Variants in CSMD1 observed in about 807,000 individuals in gnomAD.
CSMD1 encodes the protein CUB and sushi domain-containing protein 1.
CSMD1 carries 213 observed loss-of-function variants against 417.5 expected under a neutral mutation model. The observed-to-expected ratio is 0.51, with a 90% CI of 0.46 to 0.57. The LOEUF (loss-of-function observed/expected upper bound fraction) is 0.57, where lower values mean the gene tolerates loss of function less well. Among genes scored for constraint, CSMD1 ranks in the 20% least tolerant of loss-of-function variants. CSMD1 has a pLI of 0.00. For missense variants in CSMD1, 6,923 were observed against 4,529.7 expected, an observed-to-expected ratio of 1.53 and a Z score of -15.17; for synonymous variants, 2,862 against 1,736.8, an observed-to-expected ratio of 1.65 and a Z score of -16.11.
intron 3 of CSMD1, among the ~76,000 whole-genome samples, chr8:4,413,025 A>C (rs183519120): frequency 6.2e-4 from 95 of 152,342 alleles, no homozygotes; most frequent in Middle Eastern, 3.4e-3. Context: ...AAGTCTATAC[A>C]ATGTTCTTTC....
chr8:4,451,403 TATG>T (rs1563189058), intron 2 of CSMD1, among the ~76,000 whole-genome samples: 1 of 152,196 alleles, frequency 6.6e-6, no homozygotes, highest in African/African-American at 2.4e-5. Context: ...GAACATGTGC[TATG>T]ATCAGTGTTT....
At chr8:4,105,222 T>C (rs1801507434) in intron 3 of CSMD1, among the ~76,000 whole-genome samples, 1 of 152,150 alleles carries the variant, frequency 6.6e-6, no homozygotes, top group South Asian at 2.1e-4. Context: ...AAAGCTCACA[T>C]AACGTCAAAG....
chr8:3,990,486 C>T (rs1814661233), intron 5 of CSMD1, among the ~76,000 whole-genome samples: 1 of 152,152 alleles, frequency 6.6e-6, no homozygotes, highest in Admixed American at 6.5e-5. Context: ...TCTGTTACTC[C>T]TCAGTCTGGA....
chr8:4,826,182 C>T (rs1376859315), intron 1 of CSMD1, among the ~76,000 whole-genome samples: 2 of 151,938 alleles, frequency 1.3e-5, no homozygotes, highest in African/African-American at 2.4e-5. Flanking sequence ...GACATGAGTA[C>T]CCCAGTGTTC....
chr8:3,219,426 T>G lies in CSMD1; in HGVS notation c.4501A>C (p.Ser1501Arg). 1 of 1,506,098 alleles carries G rather than the reference T, an allele frequency of 6.6e-7. No individual in the cohort carries two copies. The highest frequency in any genetic ancestry group is 8.9e-7 in the Non-Finnish European group (1 of 1,127,902). The allele number at this position is 1,506,098 out of a possible 1,614,324, so 93.3% of individuals were successfully genotyped here. A position where few individuals can be genotyped will look rare whatever the true frequency, so the allele number is the denominator to read the frequency against. ...TCATAGATGTGTAGGAAGTCATAGCTGGGCTCCATGTTGAAACTAAAGAAA... is the reference window on the plus strand; with the variant it reads ...TCATAGATGTGTAGGAAGTCATAGCGGGGCTCCATGTTGAAACTAAAGAAA... ...LIFKSFNMEP[S>R]YDFLHIYEGE... The change falls in exon 29 of 70, where the codon AGC becomes CGC. Residue 1501 changes from serine to arginine, a missense_variant. Ser to Arg is a moderately radical substitution (Grantham distance 110, BLOSUM62 -1). Coordinates refer to ENST00000635120, the MANE Select transcript of CSMD1 (RefSeq NM_033225.6).
At chr8:3,875,816 C>T (rs1320309524) in intron 5 of CSMD1, among the ~76,000 whole-genome samples, 2 of 152,142 alleles carry the variant, frequency 1.3e-5, no homozygotes, top group African/African-American at 4.8e-5. Context: ...CAGCTGAGAG[C>T]TTGAGGGAAT....
At chr8:3,591,710 G>C (rs1489059798) in intron 8 of CSMD1, among the ~76,000 whole-genome samples, 1 of 152,260 alleles carries the variant, frequency 6.6e-6, no homozygotes, top group East Asian at 1.9e-4. Flanking sequence ...TAGATAGATA[G>C]ATGATAGAGA....
intron 1 of CSMD1, among the ~76,000 whole-genome samples, chr8:4,689,098 T>G (rs757104955): frequency 4.5e-4 from 69 of 152,212 alleles, no homozygotes; most frequent in Non-Finnish European, 7.6e-4. Flanking sequence ...ATTGATAAAT[T>G]TGTTCTCAAC....
chr8:4,204,514 T>C (rs1799863595), intron 3 of CSMD1, among the ~76,000 whole-genome samples: 2 of 152,216 alleles, frequency 1.3e-5, no homozygotes, highest in South Asian at 2.1e-4. Flanking sequence ...ATTTCCATAA[T>C]TTATTTCCTC....
In CSMD1 at chr8:4,599,389, G is replaced by C. The variant is rs188708529; in HGVS notation, c.302+37953C>G. Among the ~76,000 whole-genome samples, 302 of 151,444 alleles carry C rather than the reference G, an allele frequency of 2.0e-3. 4 individuals are homozygous for C. Among genetic ancestry groups the C allele is most frequent in the Non-Finnish European group, 2.4e-3 (162 of 67,882 alleles). ...ATTTTTTTTTTTTCCTTAAAGATCT[G>C]TTGAGAATGCAAGGAGGAAAATTTT... On this transcript the variant is annotated intron_variant, in intron 2 of 69. Coordinates refer to ENST00000635120, the MANE Select transcript of CSMD1 (RefSeq NM_033225.6).
At chr8:3,901,669 G>A (rs987425246) in intron 5 of CSMD1, among the ~76,000 whole-genome samples, 10 of 152,324 alleles carry the variant, frequency 6.6e-5, no homozygotes, top group African/African-American at 2.2e-4. Flanking sequence ...TTCACAGAAT[G>A]TACTTCTGTT....
intron 5 of CSMD1, among the ~76,000 whole-genome samples, chr8:3,815,466 C>T (rs1397238836): frequency 1.3e-5 from 2 of 151,990 alleles, no homozygotes; most frequent in Non-Finnish European, 2.9e-5. Context: ...CCTCAGGTTT[C>T]TGTGTAAATA....
rs190313528 is a variant in CSMD1 at position 4,648,089 on chromosome 8, C to G, written c.86-10531G>C. ...CTCACAAGCATCTGTTGTTTCCTTA[C>G]TTTTTAATAATTGCCATTCTGACTG... On this transcript the variant is annotated intron_variant, in intron 1 of 69. Coordinates refer to ENST00000635120, the MANE Select transcript of CSMD1 (RefSeq NM_033225.6). Among the ~76,000 whole-genome samples, 247 of 152,238 alleles carry G rather than the reference C, an allele frequency of 1.6e-3. 3 individuals carry two copies. Among genetic ancestry groups the G allele is most frequent in the African/African-American group, 5.8e-3 (239 of 41,546 alleles).
chr8:3,622,762 A>C (rs898671265), intron 7 of CSMD1, among the ~76,000 whole-genome samples: 5 of 144,770 alleles, frequency 3.5e-5, no homozygotes, highest in Non-Finnish European at 7.5e-5. Flanking sequence ...TGTGCAAGGA[A>C]ATGATAGCTC....
At chr8:4,212,172 ATT>A (rs35363603) in intron 3 of CSMD1, among the ~76,000 whole-genome samples, 2 of 141,566 alleles carry the variant, frequency 1.4e-5, no homozygotes, top group Admixed American at 6.9e-5. Context: ...TCACTTCCCT[ATT>A]TATATATATA....
At chr8:4,818,591 G>A (rs1014342805) in intron 1 of CSMD1, among the ~76,000 whole-genome samples, 1 of 152,168 alleles carries the variant, frequency 6.6e-6, no homozygotes, top group African/African-American at 2.4e-5. Context: ...GATAAATCAT[G>A]TGTCAGGCCA....
rs113516032 is a variant in CSMD1 at position 3,227,443 on chromosome 8, C to T, written c.4345+2597G>A. 2.4e-3 allele frequency among the ~76,000 whole-genome samples: 364 copies of T among 152,080 alleles called. 1 individual carries two copies. The highest frequency in any genetic ancestry group is 8.3e-3 in the African/African-American group (345 of 41,480). On this transcript the variant is annotated intron_variant, in intron 27 of 69. Coordinates refer to ENST00000635120, the MANE Select transcript of CSMD1 (RefSeq NM_033225.6). ...ACGTTTTAAAAGTCCGAGAAATATG[C>T]GAGTTTGTAGAAATATGTCACTTAT...
intron 3 of CSMD1, among the ~76,000 whole-genome samples, chr8:4,311,423 C>G (rs142609770): frequency 6.6e-6 from 1 of 152,250 alleles, no homozygotes; most frequent in African/African-American, 2.4e-5. Context: ...ACATGTTTCA[C>G]TTATGAGTGG....
chr8:3,620,430 A>G (rs1802367738), intron 7 of CSMD1, among the ~76,000 whole-genome samples: 1 of 152,184 alleles, frequency 6.6e-6, no homozygotes. Context: ...TTCATTTCCT[A>G]CAGTATTTAA....
Sources: allele counts gnomAD v4.1 joint callset (sites outside exome capture counted in the v4.1 genomes callset), GRCh38; gene constraint gnomAD v4.1.1; transcripts MANE v1.5; gene names NCBI Gene and HGNC (gene_info 2026-07-23, HGNC 2026-07-21).